The following CLMP variants were observed in gnomAD, a reference collection of about 807,000 sequenced individuals.
The protein encoded by CLMP is CXADR like cell adhesion molecule.
CLMP carries 27 observed loss-of-function variants against 45.2 expected under a neutral mutation model. That is an observed-to-expected ratio of 0.60 (90% confidence interval 0.44 to 0.82). The LOEUF (loss-of-function observed/expected upper bound fraction) is 0.82. Among genes scored for constraint, CLMP ranks in the 40% least tolerant of loss-of-function variants. The probability of loss-of-function intolerance (pLI) is 0.00; values close to 1 mark genes in which losing one functional copy is unlikely to be tolerated. For missense variants in CLMP, 403 were observed against 448.4 expected (o/e 0.90, Z 0.91); for synonymous variants, 167 against 171.4 (o/e 0.97, Z 0.20).
At chr11:123,105,274 A>G (rs1477081212) in intron 1 of CLMP, among the ~76,000 whole-genome samples, 1 of 152,204 alleles carries the variant, frequency 6.6e-6, no homozygotes, top group Non-Finnish European at 1.5e-5. Flanking sequence ...ACTTTTTCTC[A>G]CATGACTGCT....
chr11:123,181,747 T>C (rs1407708277), intron 1 of CLMP, among the ~76,000 whole-genome samples: 1 of 152,176 alleles, frequency 6.6e-6, no homozygotes, highest in Non-Finnish European at 1.5e-5. Flanking sequence ...GAAGAAATTG[T>C]TATAAAACCA....
Position 123,070,895 on chromosome 11 carries a change from A to C in CLMP, c.*2579T>G, listed in dbSNP as rs1293173682. 6.6e-6 allele frequency: 1 copy of C among 152,232 alleles called. No homozygotes were observed. The highest frequency in any genetic ancestry group is 2.4e-5 in the African/African-American group (1 of 41,458). 9.4% of individuals were successfully genotyped at this position (152,232 alleles called of 1,614,324 possible). A position where few individuals can be genotyped will look rare whatever the true frequency, so the allele number is the denominator to read the frequency against. ...CATTTCCCACCTTTTTTAGAGGAAG[A>C]AAATACTCAGGCTAAAACTTTCACC... is the stretch of plus-strand genomic sequence containing the variant. On this transcript the variant is annotated 3_prime_UTR_variant, in exon 7 of 7. Coordinates refer to ENST00000448775, the MANE Select transcript of CLMP (RefSeq NM_024769.5).
At chr11:123,194,867 G>C (rs762778910) in intron 1 of CLMP, 46 bp downstream of exon 1, 5 of 1,611,362 alleles carry the variant, frequency 3.1e-6, no homozygotes, top group Non-Finnish European at 4.2e-6. Flanking sequence ...GCAGGGCTGC[G>C]TTTGCCCACG....
At chr11:123,091,066 CT>C (rs1865927001) in intron 2 of CLMP, among the ~76,000 whole-genome samples, 1 of 151,950 alleles carries the variant, frequency 6.6e-6, no homozygotes, top group Admixed American at 6.6e-5. Context: ...TGGAGTGATT[CT>C]TTTCCTTCTT....
chr11:123,120,852 C>T lies in CLMP; in HGVS notation c.29-22900G>A, dbSNP rs145933341. ...TACTAAAAAGCTGTTTGGGGCCGGGCGCGGTGGCTCACGCTTGTAATCCCA... is the reference window on the plus strand; with the variant it reads ...TACTAAAAAGCTGTTTGGGGCCGGGTGCGGTGGCTCACGCTTGTAATCCCA... On this transcript the variant is annotated intron_variant, in intron 1 of 6. Coordinates refer to ENST00000448775, the MANE Select transcript of CLMP (RefSeq NM_024769.5). Among the ~76,000 whole-genome samples, 263 of 152,052 alleles carry T rather than the reference C, an allele frequency of 1.7e-3. 1 individual carries two copies. The highest frequency in any genetic ancestry group is 6.0e-3 in the African/African-American group (251 of 41,488).
intron 1 of CLMP, among the ~76,000 whole-genome samples, chr11:123,124,831 C>T (rs1446502320): frequency 6.6e-6 from 1 of 152,114 alleles, no homozygotes; most frequent in Non-Finnish European, 1.5e-5. Flanking sequence ...TGTCAGTTTA[C>T]TAAATAAGTA....
intron 4 of CLMP, 58 bp from the exon 5 acceptor site, chr11:123,083,265 GT>G: frequency 6.6e-7 from 1 of 1,524,124 alleles, no homozygotes; most frequent in Non-Finnish European, 9.0e-7. Context: ...TATATTTATT[GT>G]TTACTTTATT....
In CLMP at chr11:123,170,586, C is replaced by T. The variant is rs139036823; in HGVS notation, c.28+24327G>A. The stretch of plus-strand genomic sequence containing the variant: ...TCCGGAGTAGCTGGTACTATACGCG[C>T]AGGCCACCACATCTGGCTAATTTTT... On this transcript the variant is annotated intron_variant, in intron 1 of 6. Coordinates refer to ENST00000448775, the MANE Select transcript of CLMP (RefSeq NM_024769.5). Among the ~76,000 whole-genome samples, 479 of 152,134 alleles carry T rather than the reference C, an allele frequency of 3.1e-3. 5 individuals are homozygous for T. The highest frequency in any genetic ancestry group is 0.011 in the African/African-American group (451 of 41,482).
chr11:123,191,969 GA>G (rs1176680991), intron 1 of CLMP, among the ~76,000 whole-genome samples: 3 of 152,060 alleles, frequency 2.0e-5, no homozygotes, highest in Non-Finnish European at 2.9e-5. Context: ...CTACTCAAAA[GA>G]AAAAAAGTAT....
intron 1 of CLMP, among the ~76,000 whole-genome samples, chr11:123,099,915 T>C (rs1193438799): frequency 3.3e-5 from 5 of 152,178 alleles, no homozygotes; most frequent in African/African-American, 9.7e-5. Context: ...GAGACATACA[T>C]TTGTGAAAAT....
At chr11:123,075,541 C>T (rs1472878564) in intron 5 of CLMP, among the ~76,000 whole-genome samples, 2 of 152,030 alleles carry the variant, frequency 1.3e-5, no homozygotes, top group South Asian at 4.1e-4. Flanking sequence ...CGCCCGCCAC[C>T]ACGCCCGGCT....
intron 1 of CLMP, among the ~76,000 whole-genome samples, chr11:123,179,203 C>T (rs1417754452): frequency 6.6e-6 from 1 of 152,218 alleles, no homozygotes; most frequent in Non-Finnish European, 1.5e-5. Flanking sequence ...GGAAGGGAAA[C>T]TCCAGTTCAG....
chr11:123,087,231 G>A (rs1433747471), intron 2 of CLMP, among the ~76,000 whole-genome samples: 1 of 152,160 alleles, frequency 6.6e-6, no homozygotes, highest in Admixed American at 6.5e-5. Context: ...CAGCTACTCG[G>A]GAGGCTGAGG....
intron 1 of CLMP, among the ~76,000 whole-genome samples, chr11:123,175,149 G>T (rs918370210): frequency 2.0e-5 from 3 of 152,102 alleles, no homozygotes; most frequent in African/African-American, 7.2e-5. Flanking sequence ...AAGAGACGGG[G>T]TGTATTAGTC....
chr11:123,115,850 G>A (rs985850616), intron 1 of CLMP, among the ~76,000 whole-genome samples: 21 of 152,122 alleles, frequency 1.4e-4, no homozygotes, highest in Admixed American at 1.2e-3. Flanking sequence ...AACAATAAAC[G>A]TGTTATCTCA....
chr11:123,111,344 T>G (rs1309400451), intron 1 of CLMP, among the ~76,000 whole-genome samples: 1 of 152,156 alleles, frequency 6.6e-6, no homozygotes, highest in Non-Finnish European at 1.5e-5. Context: ...TTGGCCTGGC[T>G]GGCATGGAAC....
chr11:123,098,057 A>G, intron 1 of CLMP, 105 bp from the exon 2 acceptor site: 2 of 960,564 alleles, frequency 2.1e-6, no homozygotes, highest in Admixed American at 2.9e-5. Context: ...GGGCAAGTGC[A>G]TGTGGAGGGG....
chr11:123,107,018 CAAA>C (rs1244006146), intron 1 of CLMP, among the ~76,000 whole-genome samples: 6 of 126,700 alleles, frequency 4.7e-5, no homozygotes, highest in South Asian at 2.5e-4. Context: ...GACTCCGTCT[CAAA>C]AAAAAAAAAA....
In CLMP at chr11:123,072,592, A is replaced by T. The variant is rs1865686096; in HGVS notation, c.*882T>A. On this transcript the variant is annotated 3_prime_UTR_variant, in exon 7 of 7. Coordinates refer to ENST00000448775, the MANE Select transcript of CLMP (RefSeq NM_024769.5). ...TCCTAGATCCCTTTTTCTCTAGAAG[A>T]ATTCTTTCTAAGGACGTTGATAAAT... The T allele has an allele frequency of 6.6e-6, 1 of 152,172 alleles. No homozygotes were observed. Among genetic ancestry groups the T allele is most frequent in the Non-Finnish European group, 1.5e-5 (1 of 68,030 alleles). 9.4% of individuals were successfully genotyped at this position (152,172 alleles called of 1,614,324 possible). A position where few individuals can be genotyped will look rare whatever the true frequency, so the allele number is the denominator to read the frequency against.
Sources: allele counts gnomAD v4.1 joint callset (sites outside exome capture counted in the v4.1 genomes callset), GRCh38; gene constraint gnomAD v4.1.1; transcripts MANE v1.5; gene names NCBI Gene and HGNC (gene_info 2026-07-23, HGNC 2026-07-21).